CCND3: variants seen among roughly 807,000 people sequenced by gnomAD.
The protein encoded by CCND3 is cyclin D3.
CCND3 carries 9 observed loss-of-function variants against 28.7 expected under a neutral mutation model. The ratio of observed to expected loss-of-function variants is 0.31; its 90% confidence interval spans 0.19 to 0.55. CCND3 has a LOEUF of 0.55. CCND3 is among the 20% of genes least tolerant of loss of function. The pLI, the probability that CCND3 is intolerant of heterozygous loss-of-function variation, is 0.93. For synonymous variants in CCND3, 164 were observed against 163.9 expected, an observed-to-expected ratio of 1.00 and a Z score of 0.00; for missense variants, 315 against 385.8, an observed-to-expected ratio of 0.82 and a Z score of 1.54.
At chr6:42,049,436 A>G (rs557532389), upstream of CCND3, among the ~76,000 whole-genome samples, 1 of 152,340 alleles carries the variant, frequency 6.6e-6, no homozygotes, top group South Asian at 2.1e-4. Flanking sequence ...ACTGAGACAC[A>G]CTGAGGATTA....
intron 1 of CCND3, among the ~76,000 whole-genome samples, chr6:42,043,740 G>A (rs1464900730): frequency 6.6e-6 from 1 of 152,158 alleles, no homozygotes; most frequent in Non-Finnish European, 1.5e-5. Context: ...CTCTGCCTCT[G>A]TGTCCCTGGA....
rs2127391876 is a variant in CCND3, at chr6:41,938,070, T to A, written c.415-676A>T. On this transcript the variant is annotated intron_variant, in intron 2 of 4. Coordinates refer to ENST00000372991, the MANE Select transcript of CCND3 (RefSeq NM_001760.5). This position sits in a 1 kb window ranked among gnomAD's most constrained non-coding sequence, Gnocchi z 4.6. ...TGGAACCCGTAGTGCCCCATGCCACTTGACTTTCAGGAGGATAGGTAGAGG... is the reference window on the plus strand; with the variant it reads ...TGGAACCCGTAGTGCCCCATGCCACATGACTTTCAGGAGGATAGGTAGAGG... 6.5e-6 allele frequency: 1 copy of A among 153,270 alleles called. No homozygotes were observed. Among genetic ancestry groups the A allele is most frequent in the South Asian group, 2.1e-4 (1 of 4,876 alleles). The allele number at this position is 153,270 out of a possible 1,614,324, so 9.5% of individuals were successfully genotyped here. A position where few individuals can be genotyped will look rare whatever the true frequency, so the allele number is the denominator to read the frequency against.
intron 1 of CCND3, among the ~76,000 whole-genome samples, chr6:41,947,776 G>T (rs147929970): frequency 6.6e-6 from 1 of 151,846 alleles, no homozygotes; most frequent in African/African-American, 2.4e-5. Context: ...TCTACCCCCC[G>T]GTCCGAGTTG....
At chr6:41,988,699 CTTT>C (rs758582662) in intron 1 of CCND3, among the ~76,000 whole-genome samples, 2 of 96,728 alleles carry the variant, frequency 2.1e-5, no homozygotes, top group African/African-American at 6.7e-5. Context: ...AACTTCTTTT[CTTT>C]TTTTTTTTTT....
At chr6:41,956,713 G>A (rs1039618538) in intron 1 of CCND3, among the ~76,000 whole-genome samples, 2 of 152,180 alleles carry the variant, frequency 1.3e-5, no homozygotes, top group South Asian at 4.1e-4. Context: ...TGGCCCTTAA[G>A]ATAGCCCTAA....
At chr6:41,964,042 T>G (rs1761787137) in intron 1 of CCND3, among the ~76,000 whole-genome samples, 1 of 152,132 alleles carries the variant, frequency 6.6e-6, no homozygotes, top group African/African-American at 2.4e-5. Context: ...CAATAAATAT[T>G]AGTAGAATGG....
chr6:41,958,703 T>A (rs1309623595), intron 1 of CCND3, among the ~76,000 whole-genome samples: 2 of 152,188 alleles, frequency 1.3e-5, no homozygotes, highest in Non-Finnish European at 1.5e-5. Flanking sequence ...AGGAATTGAA[T>A]CTTCTAATTT....
intron 1 of CCND3, among the ~76,000 whole-genome samples, chr6:41,951,075 C>T (rs1776300631): frequency 6.6e-6 from 1 of 151,944 alleles, no homozygotes. Flanking sequence ...ATGCAGGAAT[C>T]CTAAGATGTC....
chr6:42,032,512 C>T (rs1018589937), intron 1 of CCND3, among the ~76,000 whole-genome samples: 1 of 152,232 alleles, frequency 6.6e-6, no homozygotes, highest in African/African-American at 2.4e-5. Flanking sequence ...CAATTGGTTT[C>T]TGAAGATGGA....
intron 1 of CCND3, among the ~76,000 whole-genome samples, chr6:42,045,951 G>C (rs1006462857): frequency 6.6e-6 from 1 of 152,224 alleles, no homozygotes; most frequent in African/African-American, 2.4e-5. Context: ...CAGCGAGTGA[G>C]GGAGGAAGGT....
At chr6:42,044,784 T>TTTA (rs72365093) in intron 1 of CCND3, among the ~76,000 whole-genome samples, 1 of 15,514 alleles carries the variant, frequency 6.4e-5, no homozygotes, top group East Asian at 2.4e-3. Flanking sequence ...TTTCTTTCCT[T>TTTA]TTATTTATTT....
intron 1 of CCND3, among the ~76,000 whole-genome samples, chr6:41,950,238 C>T (rs1247653153): frequency 6.6e-6 from 1 of 151,978 alleles, no homozygotes; most frequent in Non-Finnish European, 1.5e-5. Flanking sequence ...CTGAGGTGCA[C>T]ACAGGGCCTC....
At chr6:42,007,112 C>T (rs1384097592) in intron 1 of CCND3, among the ~76,000 whole-genome samples, 3 of 151,884 alleles carry the variant, frequency 2.0e-5, no homozygotes, top group African/African-American at 7.3e-5. Flanking sequence ...ATATATATAC[C>T]TACATACATA....
chr6:42,048,603 C>T lies in CCND3; in HGVS notation c.-148G>A. ...TGGGGAGTGGGGGTGGTCGCAACCACCAGCCGCGAGGAGAGGATTGCACCT... is the reference window on the plus strand; with the variant it reads ...TGGGGAGTGGGGGTGGTCGCAACCATCAGCCGCGAGGAGAGGATTGCACCT... On this transcript the variant is annotated 5_prime_UTR_variant, in exon 1 of 5. Transcript: ENST00000372988. The surrounding 1 kb of genome is among the most constrained non-coding windows in gnomAD (Gnocchi z 4.7). The T allele has an allele frequency of 1.9e-6, 1 of 516,898 alleles. No individual in the cohort carries two copies. The highest frequency in any genetic ancestry group is 1.4e-5 in the South Asian group (1 of 71,106). 32.0% of individuals were successfully genotyped at this position (516,898 alleles called of 1,614,324 possible). A position where few individuals can be genotyped will look rare whatever the true frequency, so the allele number is the denominator to read the frequency against.
intron 1 of CCND3, among the ~76,000 whole-genome samples, chr6:42,028,833 A>C (rs1264438401): frequency 6.6e-6 from 1 of 152,240 alleles, no homozygotes; most frequent in African/African-American, 2.4e-5. Flanking sequence ...TGTCTGGCAC[A>C]CAGCAAGTGT....
chr6:41,993,179 A>G (rs891083075), intron 1 of CCND3, among the ~76,000 whole-genome samples: 1 of 152,170 alleles, frequency 6.6e-6, no homozygotes, highest in African/African-American at 2.4e-5. Flanking sequence ...CTGGGATTAC[A>G]GGTGGAAACC....
At chr6:41,972,408 T>G (rs1030963791) in intron 1 of CCND3, among the ~76,000 whole-genome samples, 1 of 152,084 alleles carries the variant, frequency 6.6e-6, no homozygotes, top group Non-Finnish European at 1.5e-5. Flanking sequence ...TACTACATCA[T>G]GAAGGCTGCA....
chr6:41,991,322 G>T (rs1182538371), intron 1 of CCND3, among the ~76,000 whole-genome samples: 3 of 152,182 alleles, frequency 2.0e-5, no homozygotes, highest in Non-Finnish European at 2.9e-5. Flanking sequence ...GTCTCCCAAA[G>T]TGCTGGGATT....
At position 42,044,956 on chromosome 6, in the gene CCND3, C is replaced by CTTTTTTTTT. The variant is rs1562002036; in HGVS notation, c.-46+3544_-46+3545insAAAAAAAAA. 3.5e-4 allele frequency among the ~76,000 whole-genome samples: 43 copies of CTTTTTTTTT among 123,900 alleles called. 1 individual carries two copies. Among genetic ancestry groups the CTTTTTTTTT allele is most frequent in the African/African-American group, 6.5e-4 (21 of 32,168 alleles). 81.3% of individuals were successfully genotyped at this position (123,900 alleles called of 152,430 possible). A position where few individuals can be genotyped will look rare whatever the true frequency, so the allele number is the denominator to read the frequency against. On this transcript the variant is annotated intron_variant, in intron 1 of 4. Transcript: ENST00000372988. The stretch of plus-strand genomic sequence containing the variant: ...GGCCCGTGCGACCACGCCCGGCTAA[C>CTTTTTTTTT]GTTTTTTTTTTTTTTTTTTTTGTAT...
Sources: allele counts gnomAD v4.1 joint callset (sites outside exome capture counted in the v4.1 genomes callset), GRCh38; gene constraint gnomAD v4.1.1; non-coding constraint Gnocchi (gnomAD v3.1); transcripts MANE v1.5; gene names NCBI Gene and HGNC (gene_info 2026-07-23, HGNC 2026-07-21).